BST1: variants seen among roughly 807,000 people sequenced by gnomAD.
BST1 encodes the protein ADP-ribosyl cyclase/cyclic ADP-ribose hydrolase 2.
A neutral mutation model predicts 40.6 loss-of-function variants in BST1; 49 were observed. That is an observed-to-expected ratio of 1.21 (90% CI 0.96 to 1.53). The LOEUF (loss-of-function observed/expected upper bound fraction) is 1.53, where lower values mean the gene tolerates loss of function less well. Among genes scored for constraint, BST1 ranks in the 40% most tolerant of loss-of-function variants. The pLI is 0.00. For missense variants in BST1, 423 were observed against 395.9 expected, an observed-to-expected ratio of 1.07 and a Z score of -0.58; for synonymous variants, 157 against 159.3, an observed-to-expected ratio of 0.99 and a Z score of 0.11.
chr4:15,728,454 T>TC (rs1266602220), intron 8 of BST1, among the ~76,000 whole-genome samples: 1 of 147,372 alleles, frequency 6.8e-6, no homozygotes, highest in African/African-American at 2.5e-5. Context: ...TTTTTCTTTT[T>TC]TTTTTTTTTT....
downstream of BST1, among the ~76,000 whole-genome samples, chr4:15,736,976 G>A (rs1721593321): frequency 6.6e-6 from 1 of 152,138 alleles, no homozygotes; most frequent in Non-Finnish European, 1.5e-5. Context: ...TAACATTGTG[G>A]CCAAGAGCAT....
At chr4:15,748,943 C>T in the BST1 span, among the ~76,000 whole-genome samples, 1 of 152,180 alleles carries the variant, frequency 6.6e-6, no homozygotes, top group Non-Finnish European at 1.5e-5. Context: ...TGCCACAGCA[C>T]ACCAGAGGAA....
chr4:15,723,018 AT>A, intron 8 of BST1, 84 bp downstream of exon 8: 2 of 1,259,826 alleles, frequency 1.6e-6, no homozygotes, highest in African/African-American at 1.5e-5. Flanking sequence ...ACATGAACAT[AT>A]TATCAGAGGC....
At chr4:15,769,074 GA>G in the BST1 span, among the ~76,000 whole-genome samples, 175 of 145,684 alleles carry the variant, frequency 1.2e-3, no homozygotes, top group East Asian at 5.1e-3. Context: ...ATTGTTGAAA[GA>G]AAAAAAAAAA....
downstream of BST1, among the ~76,000 whole-genome samples, chr4:15,741,673 G>A (rs1486565479): frequency 6.6e-6 from 1 of 152,074 alleles, no homozygotes; most frequent in Non-Finnish European, 1.5e-5. Flanking sequence ...ATTATTTCAT[G>A]GCGTCTGAAA....
At chr4:15,719,902 A>G (rs1303142875) in intron 7 of BST1, among the ~76,000 whole-genome samples, 1 of 152,152 alleles carries the variant, frequency 6.6e-6, no homozygotes, top group Non-Finnish European at 1.5e-5. Context: ...TTTTACTCAT[A>G]AATTATTGCC....
downstream of BST1, among the ~76,000 whole-genome samples, chr4:15,734,584 T>A (rs1460915169): frequency 6.6e-6 from 1 of 151,726 alleles, no homozygotes; most frequent in Non-Finnish European, 1.5e-5. Context: ...AAAACAGGAA[T>A]GGGGGAGGGG....
Position 15,711,895 on chromosome 4 carries a change from G to A in BST1, c.534+6G>A, listed in dbSNP as rs1391498729. 2 of 1,610,654 alleles carry A rather than the reference G, an allele frequency of 1.2e-6. No homozygotes were observed. The highest frequency in any genetic ancestry group is 1.7e-5 in the Admixed American group (1 of 60,010). ...GGAAAAGGGCATCCATCCAGGTAAT[G>A]CTGGGATGATATCTGAGTGGTTGAG... is the stretch of plus-strand genomic sequence containing the variant. On this transcript the variant is annotated splice_donor_region_variant and intron_variant, in intron 4 of 8. Transcript: ENST00000265016.
chr4:15,706,019 G>A (rs1719864761), intron 2 of BST1, among the ~76,000 whole-genome samples: 1 of 152,164 alleles, frequency 6.6e-6, no homozygotes, highest in Non-Finnish European at 1.5e-5. Flanking sequence ...ACCAAGGGCA[G>A]AGGGAGGTGC....
the BST1 span, among the ~76,000 whole-genome samples, chr4:15,764,417 T>C: frequency 6.6e-6 from 1 of 152,010 alleles, no homozygotes; most frequent in Non-Finnish European, 1.5e-5. Flanking sequence ...CTGAGATATT[T>C]GACCTTCAGC....
At chr4:15,705,745 T>C (rs1447990735) in intron 2 of BST1, 104 bp downstream of exon 2, 1 of 1,436,576 alleles carries the variant, frequency 7.0e-7, no homozygotes, top group Non-Finnish European at 9.7e-7. Flanking sequence ...TCCTGCAATG[T>C]CACAGAAACA....
downstream of BST1, among the ~76,000 whole-genome samples, chr4:15,737,173 T>C (rs1327003163): frequency 6.6e-6 from 1 of 152,214 alleles, no homozygotes; most frequent in Admixed American, 6.5e-5. Context: ...GTATAGTAGA[T>C]CAGCCCTGTA....
chr4:15,733,618 G>C (rs538760075), downstream of BST1, among the ~76,000 whole-genome samples: 4 of 152,278 alleles, frequency 2.6e-5, no homozygotes, highest in East Asian at 3.9e-4. Context: ...GGAAACTTAC[G>C]ATCATCATGG....
chr4:15,707,370 C>T (rs755352054), intron 2 of BST1, 141 bp from the exon 3 acceptor site: 27 of 925,726 alleles, frequency 2.9e-5, no homozygotes, highest in Admixed American at 1.3e-4. Context: ...ATAAAGACAA[C>T]GAAAAAGAAC....
At chr4:15,749,776 A>G in the BST1 span, among the ~76,000 whole-genome samples, 2,131 of 152,322 alleles carry the variant, frequency 0.014, 55 homozygotes, top group African/African-American at 0.048. Context: ...AAATAAGCAC[A>G]TCATGAAAAA....
At chr4:15,771,252 A>G in the BST1 span, among the ~76,000 whole-genome samples, 1 of 152,212 alleles carries the variant, frequency 6.6e-6, no homozygotes, top group Non-Finnish European at 1.5e-5. Context: ...TAGACATTGC[A>G]CTGCACCTAT....
intron 8 of BST1, among the ~76,000 whole-genome samples, chr4:15,730,708 G>A (rs978327607): frequency 6.6e-6 from 1 of 152,194 alleles, no homozygotes; most frequent in South Asian, 2.1e-4. Context: ...TTTCAATGAC[G>A]TGTGTGCTCA....
At chr4:15,713,856 A>G (rs1047939984) in intron 4 of BST1, among the ~76,000 whole-genome samples, 2 of 151,964 alleles carry the variant, frequency 1.3e-5, no homozygotes, top group South Asian at 4.1e-4. Context: ...GGTGCGTGTC[A>G]CCATGCCCAA....
chr4:15,731,289 T>TG lies in BST1; in HGVS notation c.852-450dup, dbSNP rs1218779959. On this transcript the variant is annotated intron_variant, in intron 8 of 8. Coordinates refer to ENST00000265016, the MANE Select transcript of BST1 (RefSeq NM_004334.3). ...GTGGGATCTGCTTGATCAGAGACTCTGAGGCCAAAAATGCATCATACTCTT... is the reference window on the plus strand; with the variant it reads ...GTGGGATCTGCTTGATCAGAGACTCTGGAGGCCAAAAATGCATCATACTCTT... 3 of 512,740 alleles carry TG rather than the reference T, an allele frequency of 5.9e-6. No individual in the cohort carries two copies. In the African/African-American group the frequency reaches 5.9e-5, roughly 10 times the overall value. The allele number at this position is 512,740 out of a possible 1,614,324, so 31.8% of individuals were successfully genotyped here.
Sources: gnomAD v4.1 joint callset for allele counts (sites outside exome capture counted in the v4.1 genomes callset) on GRCh38, gnomAD v4.1.1 for gene constraint, MANE v1.5 for transcripts, NCBI Gene and HGNC (gene_info 2026-07-23, HGNC 2026-07-21) for gene names.